The following GRID2 variants were observed in gnomAD, a reference collection of about 807,000 sequenced individuals.
GRID2 encodes glutamate receptor ionotropic, delta-2.
In GRID2, 33 loss-of-function variants were observed where a neutral mutation model predicts 114.8. The ratio of observed to expected loss-of-function variants is 0.29; its 90% confidence interval spans 0.22 to 0.38. The LOEUF (loss-of-function observed/expected upper bound fraction) is 0.38. Ranked by LOEUF, GRID2 falls within the 10% of genes least tolerant of loss-of-function variation. The pLI is 1.00. For synonymous variants in GRID2, 505 were observed against 449.9 expected (o/e 1.12, Z -1.55); for missense variants, 1,184 against 1,257.7 (o/e 0.94, Z 0.89).
At chr4:92,987,613 GAAAT>G (rs945895542) in intron 2 of GRID2, among the ~76,000 whole-genome samples, 4 of 151,402 alleles carry the variant, frequency 2.6e-5, no homozygotes, top group African/African-American at 9.7e-5. Flanking sequence ...ATAAAAATAA[GAAAT>G]AAATAAATGA....
intron 2 of GRID2, among the ~76,000 whole-genome samples, chr4:92,691,049 T>C (rs886673669): frequency 1.3e-5 from 2 of 152,122 alleles, no homozygotes; most frequent in African/African-American, 4.8e-5. Context: ...GGCCTTATTC[T>C]CTTCTGCCTG....
intron 8 of GRID2, among the ~76,000 whole-genome samples, chr4:93,331,156 C>CA (rs1356514527): frequency 1.4e-5 from 2 of 143,238 alleles, no homozygotes; most frequent in Non-Finnish European, 3.0e-5. Flanking sequence ...ATTATCTCTC[C>CA]AGTATTATAT....
chr4:92,794,996 A>G (rs1279212870), intron 2 of GRID2, among the ~76,000 whole-genome samples: 1 of 150,912 alleles, frequency 6.6e-6, no homozygotes, highest in East Asian at 2.0e-4. Flanking sequence ...TAAGGAAGAG[A>G]AAATATATTC....
chr4:93,017,191 G>A (rs193194481), intron 2 of GRID2, among the ~76,000 whole-genome samples: 6 of 152,186 alleles, frequency 3.9e-5, no homozygotes, highest in Non-Finnish European at 8.8e-5. Flanking sequence ...ACCAAGAATA[G>A]GAATGTTATT....
rs558986983 is a variant in GRID2, at chr4:93,458,406, C to T, written c.1858+2432C>T. On this transcript the variant is annotated intron_variant, in intron 11 of 15. Coordinates refer to ENST00000282020, the MANE Select transcript of GRID2 (RefSeq NM_001510.4). ...TCACTCACATGTCTGGTGGTTGATG[C>T]GGTCTGTGGGCTAGTGGCCTCAGCT... is the stretch of plus-strand genomic sequence containing the variant. 3.9e-5 allele frequency among the ~76,000 whole-genome samples: 6 copies of T among 152,262 alleles called. No homozygotes were observed. The East Asian group carries it at 7.7e-4, about 20-fold the overall frequency.
chr4:93,043,769 G>C (rs538086680), intron 2 of GRID2, among the ~76,000 whole-genome samples: 2 of 151,922 alleles, frequency 1.3e-5, no homozygotes, highest in Admixed American at 6.6e-5. Context: ...GTCGTGGGGT[G>C]GGGGGAGCGG....
intron 2 of GRID2, among the ~76,000 whole-genome samples, chr4:93,002,504 CCTT>C (rs780346373): frequency 8.6e-5 from 13 of 151,190 alleles, no homozygotes; most frequent in Admixed American, 1.3e-4. Context: ...CAGGTCTAAA[CCTT>C]CTCGGTGTCA....
At chr4:93,541,097 G>A (rs911426137) in intron 13 of GRID2, among the ~76,000 whole-genome samples, 6 of 152,070 alleles carry the variant, frequency 3.9e-5, no homozygotes, top group East Asian at 1.9e-4. Context: ...AGGAAATGTC[G>A]TTGAGAGACA....
chr4:92,920,405 T>G (rs1044495517), intron 2 of GRID2, among the ~76,000 whole-genome samples: 3 of 152,206 alleles, frequency 2.0e-5, no homozygotes, highest in South Asian at 2.1e-4. Context: ...GTTAGCTGGT[T>G]ATTTTGCTCA....
chr4:93,809,187 A>G (rs937876983), exon 2 of GRID2: 3 of 147,964 alleles, frequency 2.0e-5, no homozygotes, highest in Non-Finnish European at 2.9e-5. Context: ...TTTCCTATCT[A>G]TCTTACCCAC....
intron 13 of GRID2, among the ~76,000 whole-genome samples, chr4:93,519,794 G>A (rs1730150814): frequency 1.3e-5 from 2 of 152,094 alleles, no homozygotes; most frequent in South Asian, 2.1e-4. Context: ...GGTGGTGCCA[G>A]CACCAGCAGT....
At chr4:93,130,594 TTA>T (rs1422293100) in intron 4 of GRID2, among the ~76,000 whole-genome samples, 1 of 152,206 alleles carries the variant, frequency 6.6e-6, no homozygotes, top group Non-Finnish European at 1.5e-5. Flanking sequence ...CTAATTAAAT[TTA>T]TTTTTCTAGC....
chr4:92,320,881 G>A (rs1726279760), intron 1 of GRID2, among the ~76,000 whole-genome samples: 1 of 151,910 alleles, frequency 6.6e-6, no homozygotes, highest in Non-Finnish European at 1.5e-5. Flanking sequence ...TAAGAGAATG[G>A]CACCATTAAT....
chr4:92,609,053 T>C (rs1354971117), intron 2 of GRID2, among the ~76,000 whole-genome samples: 1 of 151,782 alleles, frequency 6.6e-6, no homozygotes, highest in Non-Finnish European at 1.5e-5. Context: ...CAGTAAGTTA[T>C]AAAGTTTTCA....
chr4:92,455,527 G>A (rs1297537274), intron 1 of GRID2, among the ~76,000 whole-genome samples: 2 of 152,170 alleles, frequency 1.3e-5, no homozygotes, highest in Admixed American at 1.3e-4. Context: ...TGGAGCAGAT[G>A]TCAGAAGAAT....
At position 92,348,283 on chromosome 4, in the gene GRID2, G is replaced by A. The variant is rs188396086; in HGVS notation, c.88+43539G>A. On this transcript the variant is annotated intron_variant, in intron 1 of 15. Transcript: ENST00000282020. ...CTGACCAGACTTTAATATTTTAGGC[G>A]AATCCTTCTAGTTCTTAACGTTTCA... 2.3e-3 allele frequency among the ~76,000 whole-genome samples: 348 copies of A among 152,192 alleles called. 3 individuals carry two copies. The Middle Eastern group carries it at 0.027, about 12-fold the overall frequency.
chr4:93,206,287 A>G lies in GRID2; in HGVS notation c.736-1117A>G, dbSNP rs527769979. Among the ~76,000 whole-genome samples the G allele has an allele frequency of 3.3e-5, 5 of 152,070 alleles. No homozygotes were observed. The South Asian group carries it at 1.0e-3, about 32-fold the overall frequency. ...TGAAAAAACATTGAGTCACATACCAAATATATTTCCAATTTTATTTTTTGT... is the reference window on the plus strand; with the variant it reads ...TGAAAAAACATTGAGTCACATACCAGATATATTTCCAATTTTATTTTTTGT... On this transcript the variant is annotated intron_variant, in intron 4 of 15. Coordinates refer to ENST00000282020, the MANE Select transcript of GRID2 (RefSeq NM_001510.4).
chr4:93,495,735 T>C (rs1727471223), intron 12 of GRID2, among the ~76,000 whole-genome samples: 1 of 151,774 alleles, frequency 6.6e-6, no homozygotes, highest in African/African-American at 2.4e-5. Context: ...TCTCTACTTT[T>C]TTCAAGGGCT....
chr4:93,323,688 G>C (rs1757501300), intron 8 of GRID2, among the ~76,000 whole-genome samples: 1 of 152,132 alleles, frequency 6.6e-6, no homozygotes, highest in Non-Finnish European at 1.5e-5. Context: ...AGCATGGAAT[G>C]TTCTTCCATT....
Sources: gnomAD v4.1 joint callset for allele counts (sites outside exome capture counted in the v4.1 genomes callset) on GRCh38, gnomAD v4.1.1 for gene constraint, MANE v1.5 for transcripts, NCBI Gene and HGNC (gene_info 2026-07-23, HGNC 2026-07-21) for gene names.